The following ANKRD30A variants were observed in gnomAD, a reference collection of about 807,000 sequenced individuals.
ANKRD30A encodes the protein ankyrin repeat domain-containing protein 30A.
ANKRD30A carries 170 observed loss-of-function variants against 166.3 expected under a neutral mutation model. That is an observed-to-expected ratio of 1.02 (90% CI 0.90 to 1.16). The LOEUF is 1.16. Among genes scored for constraint, ANKRD30A ranks in the 50% most tolerant of loss-of-function variants. The pLI, the probability that ANKRD30A is intolerant of heterozygous loss-of-function variation, is 0.00. For missense variants in ANKRD30A, 1,630 were observed against 1,518.0 expected (o/e 1.07, Z -1.23); for synonymous variants, 564 against 508.9 (o/e 1.11, Z -1.46).
the ANKRD30A span, among the ~76,000 whole-genome samples, chr10:37,251,444 CAGG>C: frequency 3.9e-5 from 6 of 152,204 alleles, no homozygotes; most frequent in Non-Finnish European, 7.3e-5. Flanking sequence ...TTGTCTAACA[CAGG>C]GTCACCTTCA....
intron 8 of ANKRD30A, 67 bp downstream of exon 8, chr10:37,145,123 A>G (rs1230815563): frequency 1.6e-6 from 2 of 1,276,902 alleles, no homozygotes; most frequent in Non-Finnish European, 2.2e-6. Flanking sequence ...ATATAAAGTC[A>G]GAGGCTTTGA....
chr10:37,241,416 T>A, the ANKRD30A span: 2 of 151,794 alleles, frequency 1.3e-5, no homozygotes, highest in Non-Finnish European at 2.9e-5. Flanking sequence ...TATTTTTATA[T>A]CATATATGTC....
Position 37,231,531 on chromosome 10 carries a change from A to T in ANKRD30A, c.*62A>T. ...CAGACCAGATCTTTACTCACAACTC[A>T]TGCTAGGAGGCCAGTCCTAGCATCA... On this transcript the variant is annotated 3_prime_UTR_variant, in exon 35 of 36. Transcript: ENST00000361713. 3.5e-6 allele frequency: 5 copies of T among 1,430,030 alleles called. No individual in the cohort carries two copies. The highest frequency in any genetic ancestry group is 4.8e-6 in the Non-Finnish European group (5 of 1,043,356). 88.6% of individuals were successfully genotyped at this position (1,430,030 alleles called of 1,614,324 possible).
At chr10:37,157,833 A>G (rs182515964) in intron 13 of ANKRD30A, among the ~76,000 whole-genome samples, 1 of 152,234 alleles carries the variant, frequency 6.6e-6, no homozygotes, top group Non-Finnish European at 1.5e-5. Context: ...ATAAGTAGAT[A>G]TGCTGCTAAA....
At chr10:37,209,404 A>G (rs541093800) in intron 31 of ANKRD30A, among the ~76,000 whole-genome samples, 26 of 152,240 alleles carry the variant, frequency 1.7e-4, no homozygotes, top group African/African-American at 6.3e-4. Context: ...CTTGCACATC[A>G]CATGGCCAGA....
At chr10:37,257,600 C>G in the ANKRD30A span, among the ~76,000 whole-genome samples, 1 of 152,116 alleles carries the variant, frequency 6.6e-6, no homozygotes, top group Non-Finnish European at 1.5e-5. Context: ...TACATTGTCT[C>G]TTTGTTCTCA....
intron 8 of ANKRD30A, among the ~76,000 whole-genome samples, chr10:37,145,343 G>C (rs1383870502): frequency 6.6e-6 from 1 of 152,112 alleles, no homozygotes; most frequent in African/African-American, 2.4e-5. Flanking sequence ...TGGGTGTGGT[G>C]GCATACCCCT....
At chr10:37,264,803 C>T in the ANKRD30A span, among the ~76,000 whole-genome samples, 1 of 152,164 alleles carries the variant, frequency 6.6e-6, no homozygotes, top group Non-Finnish European at 1.5e-5. Flanking sequence ...CAAATTAAAG[C>T]ACCTGGAAGA....
chr10:37,196,149 A>G (rs1841087176), intron 27 of ANKRD30A, among the ~76,000 whole-genome samples: 1 of 150,066 alleles, frequency 6.7e-6, no homozygotes, highest in African/African-American at 2.5e-5. Flanking sequence ...CAGGGGACAA[A>G]CAAGAAAGAA....
intron 31 of ANKRD30A, among the ~76,000 whole-genome samples, chr10:37,205,632 G>T (rs1369880438): frequency 6.6e-6 from 1 of 152,012 alleles, no homozygotes; most frequent in Non-Finnish European, 1.5e-5. Flanking sequence ...GTACTTACAC[G>T]CTTGTGGAAG....
rs538738738 is a variant in ANKRD30A at position 37,228,074 on chromosome 10, A to G, written c.4186-3387A>G. On this transcript the variant is annotated intron_variant, in intron 34 of 35. Coordinates refer to ENST00000361713, the MANE Select transcript of ANKRD30A (RefSeq NM_052997.3). ...CTTCCCTCTGCTTAAATAGGTCAAG[A>G]TGCACAGCTATATTTTATAGCTTCA... is the stretch of plus-strand genomic sequence containing the variant. 3.8e-4 allele frequency among the ~76,000 whole-genome samples: 58 copies of G among 152,088 alleles called. 1 individual carries two copies. The South Asian group carries it at 0.012, about 30-fold the overall frequency.
chr10:37,152,012 T>C, intron 11 of ANKRD30A, 48 bp from the exon 12 acceptor site: 1 of 1,489,634 alleles, frequency 6.7e-7, no homozygotes. Context: ...TTAAAATTTA[T>C]AGTAGAGAAA....
chr10:37,256,630 A>C, the ANKRD30A span, among the ~76,000 whole-genome samples: 1 of 152,224 alleles, frequency 6.6e-6, no homozygotes, highest in Non-Finnish European at 1.5e-5. Flanking sequence ...TTAAGGCTAT[A>C]ATCTATGTTA....
chr10:37,142,016 G>A lies in ANKRD30A; in HGVS notation c.1119G>A (p.Thr373=), dbSNP rs768361506. The change falls in exon 7 of 36, where the codon ACG becomes ACA. Residue 373 remains threonine, a synonymous_variant. Transcript: ENST00000361713. ...CAAAAGAAACATCTGAGAAATTTAC[G>A]TGGCCAGCAAAAGGAAGACCTAGGA... is the stretch of plus-strand genomic sequence containing the variant. ...SPAKETSEKF[T]WPAKGRPRKI... 1.6e-5 allele frequency: 26 copies of A among 1,603,598 alleles called. No individual in the cohort carries two copies. Among genetic ancestry groups the A allele is most frequent in the South Asian group, 7.7e-5 (7 of 90,608 alleles).
Position 37,129,912 on chromosome 10 carries a change from T to C in ANKRD30A, c.241T>C (p.Cys81Arg). ...TCGTAGGACTGCTCTACACTGGGCC[T>C]GTGTCAATGGCCATGAGGAAGTAGT... is the stretch of plus-strand genomic sequence containing the variant. ...AQKRTALHWA[C>R]VNGHEEVVTF... Residue 81 changes from cysteine to arginine, a missense_variant, in exon 2 of 36, where the codon TGT becomes CGT. By Grantham distance (180) the Cys-to-Arg change is radical. Coordinates refer to ENST00000361713, the MANE Select transcript of ANKRD30A (RefSeq NM_052997.3). 6.4e-7 allele frequency: 1 copy of C among 1,559,766 alleles called. No homozygotes were observed. The highest frequency in any genetic ancestry group is 8.7e-7 in the Non-Finnish European group (1 of 1,149,934).
chr10:37,156,927 G>T (rs1387831984), intron 13 of ANKRD30A, among the ~76,000 whole-genome samples: 2 of 152,054 alleles, frequency 1.3e-5, no homozygotes, highest in Non-Finnish European at 2.9e-5. Context: ...CCTTAAAATG[G>T]TTAGACATAA....
chr10:37,231,670 A>G lies in ANKRD30A; in HGVS notation c.*201A>G. 1 of 378,176 alleles carries G rather than the reference A, an allele frequency of 2.6e-6. No homozygotes were observed. Among genetic ancestry groups the G allele is most frequent in the Non-Finnish European group, 4.9e-6 (1 of 205,886 alleles). The allele number at this position is 378,176 out of a possible 1,614,324, so 23.4% of individuals were successfully genotyped here. A position where few individuals can be genotyped will look rare whatever the true frequency, so the allele number is the denominator to read the frequency against. ...ACATAAAATAACAGTGTGAAGAATT[A>G]CTTGTTCACGGTTAGTTATATTATC... On this transcript the variant is annotated 3_prime_UTR_variant, in exon 35 of 36. Transcript: ENST00000361713.
the ANKRD30A span, among the ~76,000 whole-genome samples, chr10:37,250,455 G>T: frequency 7.2e-5 from 11 of 152,066 alleles, no homozygotes; most frequent in Non-Finnish European, 1.0e-4. Flanking sequence ...TCCTTTGCCA[G>T]ACTCTGACGA....
chr10:37,136,734 C>T, intron 6 of ANKRD30A, 63 bp downstream of exon 6: 4 of 976,552 alleles, frequency 4.1e-6, no homozygotes, highest in East Asian at 2.8e-5. Context: ...AAGTGTTGAT[C>T]ACAAAAAGGT....
Sources: gnomAD v4.1 joint callset for allele counts (sites outside exome capture counted in the v4.1 genomes callset) on GRCh38, gnomAD v4.1.1 for gene constraint, MANE v1.5 for transcripts, NCBI Gene and HGNC (gene_info 2026-07-23, HGNC 2026-07-21) for gene names.